GRIA4: variants seen among roughly 807,000 people sequenced by gnomAD.
The protein encoded by GRIA4 is glutamate receptor 4.
A neutral mutation model predicts 104.0 loss-of-function variants in GRIA4; 34 were observed. The ratio of observed to expected loss-of-function variants is 0.33; its 90% CI spans 0.25 to 0.44. GRIA4 has a LOEUF of 0.44. GRIA4 is among the 20% of genes least tolerant of loss of function. The pLI is 1.00. For synonymous variants in GRIA4, 386 were observed against 381.9 expected (o/e 1.01, Z -0.13); for missense variants, 750 against 1,096.5 (o/e 0.68, Z 4.46).
At chr11:105,702,445 A>C (rs1264270948) in intron 3 of GRIA4, among the ~76,000 whole-genome samples, 1 of 151,940 alleles carries the variant, frequency 6.6e-6, no homozygotes, top group African/African-American at 2.4e-5. Flanking sequence ...AACCAAATAA[A>C]ATAAAATAAT....
At chr11:105,668,706 G>A (rs1456932916) in intron 3 of GRIA4, among the ~76,000 whole-genome samples, 2 of 131,572 alleles carry the variant, frequency 1.5e-5, no homozygotes, top group African/African-American at 2.9e-5. Context: ...ATAGAGTGTC[G>A]CTCTGTTGCC....
At chr11:105,633,298 A>C (rs1204987302) in intron 3 of GRIA4, among the ~76,000 whole-genome samples, 1 of 152,224 alleles carries the variant, frequency 6.6e-6, no homozygotes, top group Admixed American at 6.5e-5. Flanking sequence ...AGATTTATAC[A>C]TATTTCTACA....
chr11:105,718,243 C>T (rs1954168692), intron 3 of GRIA4, among the ~76,000 whole-genome samples: 1 of 152,170 alleles, frequency 6.6e-6, no homozygotes, highest in Non-Finnish European at 1.5e-5. Context: ...ATATAGACTA[C>T]ATGTGTAGCA....
intron 3 of GRIA4, among the ~76,000 whole-genome samples, chr11:105,634,387 A>AGAAGGAAG (rs539258523): frequency 6.7e-6 from 1 of 148,696 alleles, no homozygotes; most frequent in African/African-American, 2.5e-5. Flanking sequence ...AAAGAAGGAA[A>AGAAGGAAG]GAAGGAAGGA....
At position 105,905,438 on chromosome 11, in the gene GRIA4, A is replaced by G. The variant is rs1039655759; in HGVS notation, c.1158+137A>G. On this transcript the variant is annotated intron_variant, in intron 9 of 16. Transcript: ENST00000282499. ...TTACAAATACTTTAGTACTTTCTTT[A>G]TAATCAATGCTGTGATAAATGTGTG... is the stretch of plus-strand genomic sequence containing the variant. 8.5e-6 allele frequency: 5 copies of G among 589,582 alleles called. No individual in the cohort carries two copies. The East Asian group carries it at 1.4e-4, about 16-fold the overall frequency. The allele number at this position is 589,582 out of a possible 1,614,324, so 36.5% of individuals were successfully genotyped here.
At chr11:105,663,698 A>G (rs1244320512) in intron 3 of GRIA4, among the ~76,000 whole-genome samples, 1 of 151,906 alleles carries the variant, frequency 6.6e-6, no homozygotes. Flanking sequence ...ACATAGAGAA[A>G]TAAACGTTTT....
chr11:105,855,432 A>C (rs1396746246), intron 4 of GRIA4, among the ~76,000 whole-genome samples: 1 of 152,162 alleles, frequency 6.6e-6, no homozygotes, highest in Non-Finnish European at 1.5e-5. Context: ...TGAGCTTTAT[A>C]TAATGTGATA....
chr11:105,741,940 C>G (rs2135656684), intron 3 of GRIA4, among the ~76,000 whole-genome samples: 1 of 152,046 alleles, frequency 6.6e-6, no homozygotes, highest in South Asian at 2.1e-4. Flanking sequence ...GGCATGAGGA[C>G]TATAGTTGAT....
intron 7 of GRIA4, among the ~76,000 whole-genome samples, chr11:105,899,874 C>A (rs527834138): frequency 2.0e-5 from 3 of 152,306 alleles, no homozygotes; most frequent in South Asian, 4.1e-4. Flanking sequence ...TGCGCATTTT[C>A]TCCATAAGGC....
At chr11:105,685,612 G>A (rs1239608443) in intron 3 of GRIA4, among the ~76,000 whole-genome samples, 2 of 152,182 alleles carry the variant, frequency 1.3e-5, no homozygotes, top group African/African-American at 4.8e-5. Flanking sequence ...GAGAAGATGT[G>A]TGAAAATTTA....
intron 9 of GRIA4, among the ~76,000 whole-genome samples, chr11:105,909,874 C>T (rs1465812860): frequency 6.6e-6 from 1 of 152,046 alleles, no homozygotes; most frequent in Non-Finnish European, 1.5e-5. Flanking sequence ...AAAACACTGA[C>T]CACTAATATT....
At chr11:105,724,147 A>C (rs1341526048) in intron 3 of GRIA4, among the ~76,000 whole-genome samples, 1 of 152,048 alleles carries the variant, frequency 6.6e-6, no homozygotes, top group Non-Finnish European at 1.5e-5. Flanking sequence ...TCAATCTAGC[A>C]ATCCCACTAC....
intron 3 of GRIA4, among the ~76,000 whole-genome samples, chr11:105,634,477 GAAA>G (rs1287384892): frequency 3.1e-4 from 15 of 49,030 alleles, no homozygotes; most frequent in East Asian, 9.2e-4. Flanking sequence ...GGGAAAGAAA[GAAA>G]GAAAGAAAGA....
chr11:105,911,958 C>A, intron 10 of GRIA4: 3 of 1,525,226 alleles, frequency 2.0e-6, no homozygotes, highest in South Asian at 1.3e-5. Flanking sequence ...AACTAAGGCT[C>A]AAGTCTTGTT....
chr11:105,699,717 C>T (rs1228732011), intron 3 of GRIA4, among the ~76,000 whole-genome samples: 3 of 152,028 alleles, frequency 2.0e-5, no homozygotes, highest in Admixed American at 6.6e-5. Flanking sequence ...TGGACACGCA[C>T]GGGGCTCTGT....
intron 4 of GRIA4, among the ~76,000 whole-genome samples, chr11:105,788,132 T>C (rs982505296): frequency 1.2e-4 from 19 of 152,310 alleles, no homozygotes; most frequent in Admixed American, 1.0e-3. Context: ...ATTTGCAATA[T>C]GCTGTATTAC....
chr11:105,882,413 A>T (rs1946099713), intron 5 of GRIA4, among the ~76,000 whole-genome samples: 1 of 152,190 alleles, frequency 6.6e-6, no homozygotes, highest in Non-Finnish European at 1.5e-5. Flanking sequence ...ACTCCTGAGT[A>T]CTTTATAAAC....
chr11:105,636,790 C>T (rs6591137), intron 3 of GRIA4, among the ~76,000 whole-genome samples: 97,958 of 152,056 alleles, frequency 0.64, 32,630 homozygotes, highest in Non-Finnish European at 0.75. Flanking sequence ...CCCTCAACAG[C>T]GAACCAATTC....
intron 4 of GRIA4, among the ~76,000 whole-genome samples, chr11:105,827,372 T>C (rs186927794): frequency 6.6e-6 from 1 of 152,102 alleles, no homozygotes; most frequent in East Asian, 1.9e-4. Context: ...TTCATTACTA[T>C]TAAGCAGAAT....
Sources: allele counts gnomAD v4.1 joint callset (sites outside exome capture counted in the v4.1 genomes callset), GRCh38; gene constraint gnomAD v4.1.1; transcripts MANE v1.5; gene names NCBI Gene and HGNC (gene_info 2026-07-23, HGNC 2026-07-21).